The following KMT2C variants were observed in gnomAD, a reference collection of about 807,000 sequenced individuals.
KMT2C encodes the protein histone-lysine N-methyltransferase 2C.
A neutral mutation model predicts 507.9 loss-of-function variants in KMT2C; 88 were observed. The observed-to-expected ratio is 0.17, with a 90% confidence interval of 0.15 to 0.21. The LOEUF (loss-of-function observed/expected upper bound fraction) is 0.21. Ranked by LOEUF, KMT2C falls within the 10% of genes least tolerant of loss-of-function variation. The pLI, the probability that KMT2C is intolerant of heterozygous loss-of-function variation, is 1.00. For synonymous variants in KMT2C, 2,049 were observed against 2,080.8 expected (o/e 0.98, Z 0.42); for missense variants, 4,954 against 5,957.8 (o/e 0.83, Z 5.55).
At chr7:152,184,920 A>G (rs1027035239) in intron 34 of KMT2C, among the ~76,000 whole-genome samples, 4 of 152,076 alleles carry the variant, frequency 2.6e-5, no homozygotes, top group Non-Finnish European at 5.9e-5. Flanking sequence ...ATACCCAGCT[A>G]ATTTTTTCAT....
At chr7:152,276,085 A>T (rs200812714) in intron 6 of KMT2C, among the ~76,000 whole-genome samples, 1 of 152,240 alleles carries the variant, frequency 6.6e-6, no homozygotes. Context: ...TATATCTAAC[A>T]TACTAATTTA....
intron 53 of KMT2C, 39 bp from the exon 54 acceptor site, chr7:152,145,334 GATGGAGACT>G: frequency 6.2e-7 from 1 of 1,603,886 alleles, no homozygotes; most frequent in South Asian, 1.1e-5. Flanking sequence ...CACCCCATCT[GATGGAGACT>G]ACAGACAATC....
chr7:152,190,045 T>A (rs2093744595), intron 31 of KMT2C, among the ~76,000 whole-genome samples: 1 of 152,122 alleles, frequency 6.6e-6, no homozygotes, highest in Non-Finnish European at 1.5e-5. Context: ...TATTGTGAAG[T>A]GTGCATGCGA....
At chr7:152,332,835 T>C (rs1213825503) in intron 2 of KMT2C, among the ~76,000 whole-genome samples, 2 of 143,904 alleles carry the variant, frequency 1.4e-5, no homozygotes, top group South Asian at 2.2e-4. Context: ...GCAACAGGAA[T>C]GAAACTGCGT....
intron 46 of KMT2C, 33 bp downstream of exon 46, chr7:152,155,877 C>T (rs1563172333): frequency 1.3e-6 from 2 of 1,561,868 alleles, no homozygotes; most frequent in East Asian, 2.3e-5. Flanking sequence ...GAAGAAATAA[C>T]TAAGAATTAT....
rs1353776681 is a variant in KMT2C at position 152,181,952 on chromosome 7, G to C, written c.5908C>G (p.Pro1970Ala). 3 of 1,614,222 alleles carry C rather than the reference G, an allele frequency of 1.9e-6. No homozygotes were observed. The highest frequency in any genetic ancestry group is 1.6e-4 in the Middle Eastern group (1 of 6,062). Residue 1970 changes from proline (P) to alanine (A), a missense_variant, in exon 36 of 59, where the codon CCT becomes GCT. By Grantham distance (27) the Pro-to-Ala change is conservative. Transcript: ENST00000262189. ...AATTGATCTGTCATCACAGGCCTAG[G>C]TGTGTCTGGAGGTTTTGCATAGGGG... ...NDPYAKPPDT[P>A]RPVMTDQFPK...
chr7:152,299,339 T>C (rs1479480509), intron 6 of KMT2C, among the ~76,000 whole-genome samples: 3 of 149,322 alleles, frequency 2.0e-5, no homozygotes, highest in Non-Finnish European at 3.0e-5. Flanking sequence ...AATAAATAAA[T>C]AAATAAATAA....
chr7:152,347,842 C>T (rs1033320345), intron 2 of KMT2C, among the ~76,000 whole-genome samples: 6 of 152,108 alleles, frequency 3.9e-5, no homozygotes, highest in East Asian at 1.9e-4. Flanking sequence ...AGTCCATCTA[C>T]GCATTTTTTC....
chr7:152,249,673 CAAAAAAAA>C (rs1183345172), intron 13 of KMT2C, among the ~76,000 whole-genome samples, 195 bp downstream of exon 13: 3,578 of 34,596 alleles, frequency 0.1, 204 homozygotes, highest in African/African-American at 0.22. Flanking sequence ...CTCCCCCCTC[CAAAAAAAA>C]AAAAAAAAAA....
intron 42 of KMT2C, among the ~76,000 whole-genome samples, chr7:152,166,609 C>T (rs1286156964): frequency 1.3e-5 from 2 of 152,090 alleles, no homozygotes; most frequent in Non-Finnish European, 2.9e-5. Context: ...AAAATGATTT[C>T]ATTTTTCTGG....
rs759546723 is a variant in KMT2C at position 152,231,780 on chromosome 7, C to CA, written c.2770-1460dup. Reference sequence around the variant, plus strand: ...TGGGTGACAGAGCGAGACCCTGTCTCAAAAAAAAAAAAGAAGGAAGGAAGT... The same window carrying CA: ...TGGGTGACAGAGCGAGACCCTGTCTCAAAAAAAAAAAAAGAAGGAAGGAAGT... On this transcript the variant is annotated intron_variant, in intron 16 of 58. Coordinates refer to ENST00000262189, the MANE Select transcript of KMT2C (RefSeq NM_170606.3). Among the ~76,000 whole-genome samples the CA allele has an allele frequency of 2.1e-3, 279 of 133,970 alleles. 1 individual carries two copies. In the East Asian group the frequency reaches 0.024, roughly 11 times the overall value. 87.9% of individuals were successfully genotyped at this position (133,970 alleles called of 152,430 possible). A position where few individuals can be genotyped will look rare whatever the true frequency, so the allele number is the denominator to read the frequency against.
chr7:152,289,613 C>G (rs1230261027), intron 6 of KMT2C, among the ~76,000 whole-genome samples: 1 of 152,044 alleles, frequency 6.6e-6, no homozygotes, highest in South Asian at 2.1e-4. Context: ...ATAAAGTGAG[C>G]CTGTCACTTC....
intron 9 of KMT2C, among the ~76,000 whole-genome samples, chr7:152,256,202 T>G (rs1045700923): frequency 1.3e-5 from 2 of 151,982 alleles, no homozygotes; most frequent in African/African-American, 4.8e-5. Context: ...CTGCAAATCC[T>G]AGCAGAAAAT....
intron 40 of KMT2C, among the ~76,000 whole-genome samples, chr7:152,169,867 A>G (rs1261081991): frequency 6.6e-6 from 1 of 152,136 alleles, no homozygotes; most frequent in Non-Finnish European, 1.5e-5. Context: ...AAAATAAATA[A>G]AAAGTATTTA....
At chr7:152,345,524 T>G (rs1331006789) in intron 2 of KMT2C, among the ~76,000 whole-genome samples, 1 of 152,038 alleles carries the variant, frequency 6.6e-6, no homozygotes, top group East Asian at 1.9e-4. Context: ...TAGGTTGTGT[T>G]TGTTTGTTTG....
At chr7:152,147,707 C>CAAAAAAAAAA (rs762588729) in intron 52 of KMT2C, among the ~76,000 whole-genome samples, 11 of 46,718 alleles carry the variant, frequency 2.4e-4, no homozygotes, top group African/African-American at 7.9e-4. Flanking sequence ...AACTCCGTCT[C>CAAAAAAAAAA]AAAAAAAAAA....
intron 1 of KMT2C, 21 bp from the exon 2 acceptor site, chr7:152,358,696 A>C: frequency 1.5e-6 from 2 of 1,371,820 alleles, no homozygotes; most frequent in Non-Finnish European, 2.1e-6. Flanking sequence ...AAAAAAAAAT[A>C]ATAAGTACAT....
At chr7:152,195,749 G>C (rs1047483068) in intron 28 of KMT2C, among the ~76,000 whole-genome samples, 158 bp downstream of exon 28, 65 of 152,190 alleles carry the variant, frequency 4.3e-4, no homozygotes, top group African/African-American at 1.5e-3. Flanking sequence ...AAGCAGGAAA[G>C]CTGAGGCAGA....
In KMT2C at chr7:152,181,310, A is replaced by AC. The variant is rs2093427277; in HGVS notation, c.6549_6550insG (p.Ser2184ValfsTer5). On this transcript the variant is annotated frameshift_variant, in exon 36 of 59. Transcript: ENST00000262189. LOFTEE classifies it high-confidence loss of function. ...GTAACAAACAAGTCAGTTTGTGTAG[A>AC]TGGTCTTGGGGTTTGGGGCTGCTGA... The AC allele has an allele frequency of 6.2e-7, 1 of 1,613,562 alleles. No homozygotes were observed. Among genetic ancestry groups the AC allele is most frequent in the African/African-American group, 1.3e-5 (1 of 74,700 alleles).
Sources: gnomAD v4.1 joint callset for allele counts (sites outside exome capture counted in the v4.1 genomes callset) on GRCh38, gnomAD v4.1.1 for gene constraint, MANE v1.5 for transcripts, NCBI Gene and HGNC (gene_info 2026-07-23, HGNC 2026-07-21) for gene names.